EVI5: variants seen among roughly 807,000 people sequenced by gnomAD.
EVI5 encodes the protein ecotropic viral integration site 5 protein homolog.
Under a neutral mutation model 112.0 loss-of-function variants are expected in EVI5, and 73 were observed. The ratio of observed to expected loss-of-function variants is 0.65; its 90% CI spans 0.54 to 0.79. The LOEUF is 0.79. EVI5 is among the 30% of genes least tolerant of loss of function. EVI5 has a pLI of 0.00. For synonymous variants in EVI5, 305 were observed against 319.9 expected (o/e 0.95, Z 0.50); for missense variants, 900 against 968.8 (o/e 0.93, Z 0.94).
intron 14 of EVI5, among the ~76,000 whole-genome samples, chr1:92,630,808 C>T (rs1451894632): frequency 1.3e-5 from 2 of 152,190 alleles, no homozygotes; most frequent in East Asian, 1.9e-4. Context: ...TTAGGTCTAA[C>T]ATTTAAATCT....
Position 92,730,106 on chromosome 1 carries a change from C to T in EVI5, c.149+6292G>A, listed in dbSNP as rs1414324931. ...AGGTGTCAAGTGCAATAGCTAATGC[C>T]GGTAATGCCAGCCTTTGGGAGGCAG... On this transcript the variant is annotated intron_variant, in intron 2 of 19. Transcript: ENST00000684568. Among the ~76,000 whole-genome samples the T allele has an allele frequency of 6.6e-5, 10 of 152,216 alleles. No homozygotes were observed. The East Asian group carries it at 1.5e-3, about 23-fold the overall frequency.
intron 2 of EVI5, among the ~76,000 whole-genome samples, chr1:92,718,283 A>G (rs761408633): frequency 2.6e-4 from 40 of 152,224 alleles, no homozygotes; most frequent in Non-Finnish European, 4.3e-4. Context: ...AATTGACCAC[A>G]TAGTTGGAAG....
chr1:92,616,633 A>G (rs11805007), intron 16 of EVI5, among the ~76,000 whole-genome samples: 29,915 of 152,144 alleles, frequency 0.2, 3,493 homozygotes, highest in Middle Eastern at 0.26. Flanking sequence ...ACAGAGATTC[A>G]TGGCCCCCAT....
intron 19 of EVI5, 98 bp from the exon 20 acceptor site, chr1:92,514,068 A>G (rs1659483933): frequency 1.4e-6 from 1 of 696,634 alleles, no homozygotes; most frequent in African/African-American, 1.8e-5. Context: ...ATGCCTTATT[A>G]TTTTTCTATT....
chr1:92,773,238 T>C (rs1008919313), intron 1 of EVI5, among the ~76,000 whole-genome samples: 2 of 149,628 alleles, frequency 1.3e-5, no homozygotes, highest in Non-Finnish European at 3.0e-5. Context: ...TTATTCATAA[T>C]AGCCAAATAG....
chr1:92,606,385 A>C (rs1045266399), intron 17 of EVI5, among the ~76,000 whole-genome samples: 3 of 152,226 alleles, frequency 2.0e-5, no homozygotes, highest in African/African-American at 7.2e-5. Context: ...TAAATAAAAG[A>C]TTAAATTTAG....
intron 18 of EVI5, among the ~76,000 whole-genome samples, chr1:92,591,197 T>C (rs1673810925): frequency 6.6e-6 from 1 of 152,174 alleles, no homozygotes; most frequent in African/African-American, 2.4e-5. Context: ...AGGAAGAAAC[T>C]GCATCAACTA....
chr1:92,726,565 A>G (rs1231513502), intron 2 of EVI5, among the ~76,000 whole-genome samples: 1 of 152,180 alleles, frequency 6.6e-6, no homozygotes, highest in Non-Finnish European at 1.5e-5. Flanking sequence ...AATGTTAAAG[A>G]AAAAGTATTT....
At chr1:92,570,412 C>T (rs888533983) in intron 18 of EVI5, among the ~76,000 whole-genome samples, 1 of 151,942 alleles carries the variant, frequency 6.6e-6, no homozygotes, top group East Asian at 1.9e-4. Flanking sequence ...TAGGAAGAAA[C>T]CCGTCTGGAT....
At chr1:92,699,901 A>G (rs56131090) in intron 5 of EVI5, among the ~76,000 whole-genome samples, 1,655 of 152,354 alleles carry the variant, frequency 0.011, 16 homozygotes, top group Non-Finnish European at 0.014. Flanking sequence ...TCTTCTGAAC[A>G]TATCAAAACA....
At chr1:92,760,234 AAGGGAGAG>A (rs1681604983) in intron 1 of EVI5, among the ~76,000 whole-genome samples, 1 of 152,210 alleles carries the variant, frequency 6.6e-6, no homozygotes, top group South Asian at 2.1e-4. Context: ...AAGGAAATAA[AAGGGAGAG>A]AGCAACACAA....
At chr1:92,728,617 A>C (rs1675982772) in intron 2 of EVI5, among the ~76,000 whole-genome samples, 2 of 152,108 alleles carry the variant, frequency 1.3e-5, no homozygotes, top group African/African-American at 4.8e-5. Context: ...TGAACTCCTG[A>C]TCTCAGGTGA....
intron 19 of EVI5, among the ~76,000 whole-genome samples, chr1:92,529,737 C>T (rs1284350886): frequency 6.6e-6 from 1 of 152,042 alleles, no homozygotes; most frequent in East Asian, 1.9e-4. Context: ...AAACAAGAAA[C>T]CTGCTTCTTT....
chr1:92,534,569 G>A (rs556497382), intron 19 of EVI5, among the ~76,000 whole-genome samples: 1 of 152,142 alleles, frequency 6.6e-6, no homozygotes, highest in Admixed American at 6.5e-5. Context: ...CATGGTACTG[G>A]TGCCAAAACA....
At chr1:92,519,937 G>A (rs1660613834) in intron 19 of EVI5, among the ~76,000 whole-genome samples, 2 of 146,414 alleles carry the variant, frequency 1.4e-5, no homozygotes, top group African/African-American at 2.5e-5. Context: ...CTAAGTGAAA[G>A]ACACAAGAGA....
At chr1:92,525,745 G>A (rs907578897) in intron 19 of EVI5, among the ~76,000 whole-genome samples, 27 of 152,132 alleles carry the variant, frequency 1.8e-4, no homozygotes, top group Non-Finnish European at 2.8e-4. Flanking sequence ...TTAGCTCATC[G>A]GACGCTGGTA....
intron 10 of EVI5, among the ~76,000 whole-genome samples, chr1:92,667,339 C>T (rs1558031076): frequency 6.6e-6 from 1 of 151,916 alleles, no homozygotes; most frequent in African/African-American, 2.4e-5. Context: ...ATTTATTATA[C>T]AGTATAGATG....
intron 2 of EVI5, among the ~76,000 whole-genome samples, chr1:92,710,441 T>C (rs1363654211): frequency 6.6e-6 from 1 of 152,140 alleles, no homozygotes; most frequent in Non-Finnish European, 1.5e-5. Context: ...ATTCTGACTA[T>C]CACAGATTAA....
chr1:92,593,393 T>G (rs2101351641), intron 18 of EVI5, among the ~76,000 whole-genome samples: 1 of 152,302 alleles, frequency 6.6e-6, no homozygotes, highest in South Asian at 2.1e-4. Flanking sequence ...AAACTCTCAA[T>G]AAATTAGGTA....
Sources: gnomAD v4.1 joint callset for allele counts (sites outside exome capture counted in the v4.1 genomes callset) on GRCh38, gnomAD v4.1.1 for gene constraint, MANE v1.5 for transcripts, NCBI Gene and HGNC (gene_info 2026-07-23, HGNC 2026-07-21) for gene names.